The following CDK19 variants were observed in gnomAD, a reference collection of about 807,000 sequenced individuals.
CDK19 encodes cyclin-dependent kinase 19.
A neutral mutation model predicts 68.3 loss-of-function variants in CDK19; 20 were observed. The ratio of observed to expected loss-of-function variants is 0.29; its 90% CI spans 0.21 to 0.43. The LOEUF is 0.43. Among genes scored for constraint, CDK19 ranks in the 20% least tolerant of loss-of-function variants. CDK19 has a pLI of 1.00. For synonymous variants in CDK19, 221 were observed against 222.8 expected (o/e 0.99, Z 0.07); for missense variants, 339 against 623.5 (o/e 0.54, Z 4.86).
intron 6 of CDK19, among the ~76,000 whole-genome samples, chr6:110,630,726 G>C (rs1444745028): frequency 1.3e-5 from 2 of 152,118 alleles, no homozygotes; most frequent in East Asian, 3.8e-4. Context: ...CACAGGTAAG[G>C]GTTTTATGTC....
At chr6:110,639,959 T>C (rs1349050443) in intron 4 of CDK19, among the ~76,000 whole-genome samples, 1 of 152,142 alleles carries the variant, frequency 6.6e-6, no homozygotes, top group African/African-American at 2.4e-5. Flanking sequence ...ACACCTGTTA[T>C]CCTAGGACTT....
At chr6:110,626,907 T>C (rs1562133581) in intron 7 of CDK19, 62 bp from the exon 8 acceptor site, 4 of 1,377,542 alleles carry the variant, frequency 2.9e-6, no homozygotes, top group East Asian at 2.5e-5. Flanking sequence ...CTCCTAATTA[T>C]GTTAGTTTAT....
At chr6:110,625,783 AC>A in intron 8 of CDK19, among the ~76,000 whole-genome samples, 1 of 152,186 alleles carries the variant, frequency 6.6e-6, no homozygotes, top group Admixed American at 6.5e-5. Context: ...CAGGCAAAGG[AC>A]CCCACCAAGG....
At chr6:110,637,850 CGGGAGCCTGTAGTCCCAGCTACTT>C (rs893285253) in intron 5 of CDK19, among the ~76,000 whole-genome samples, 13 of 152,108 alleles carry the variant, frequency 8.5e-5, no homozygotes, top group Non-Finnish European at 1.8e-4. Flanking sequence ...GGCGTGGTGG[CGGGAGCCTGTAGTCCCAGCTACTT>C]GGGAGACTGA....
chr6:110,673,825 C>A (rs768692967), intron 2 of CDK19, among the ~76,000 whole-genome samples: 5 of 152,066 alleles, frequency 3.3e-5, no homozygotes. Context: ...GAACTCCTGG[C>A]CTTAAGCAAT....
intron 5 of CDK19, among the ~76,000 whole-genome samples, chr6:110,634,981 T>C (rs1779670991): frequency 6.6e-6 from 1 of 152,040 alleles, no homozygotes. Flanking sequence ...TTTAAAAGAG[T>C]TTCAAACTAC....
intron 2 of CDK19, among the ~76,000 whole-genome samples, chr6:110,702,269 G>A (rs1367671623): frequency 6.6e-6 from 1 of 151,984 alleles, no homozygotes; most frequent in Non-Finnish European, 1.5e-5. Flanking sequence ...AACATAGTGA[G>A]ACCTCATCTC....
At chr6:110,730,102 G>A (rs886782753) in intron 2 of CDK19, among the ~76,000 whole-genome samples, 3 of 152,112 alleles carry the variant, frequency 2.0e-5, no homozygotes, top group African/African-American at 7.2e-5. Context: ...GCCTTCATTG[G>A]AGTACTAACA....
intron 9 of CDK19, among the ~76,000 whole-genome samples, 188 bp downstream of exon 9, chr6:110,623,102 C>T (rs1242729599): frequency 2.0e-5 from 3 of 152,162 alleles, no homozygotes; most frequent in Admixed American, 2.0e-4. Context: ...TTATAAAGTT[C>T]ATTTTCTGCT....
intron 1 of CDK19, among the ~76,000 whole-genome samples, chr6:110,796,478 C>T (rs1248009995): frequency 6.6e-6 from 1 of 151,444 alleles, no homozygotes; most frequent in African/African-American, 2.4e-5. Flanking sequence ...CATGGTGACA[C>T]CCCCATCTCT....
intron 2 of CDK19, among the ~76,000 whole-genome samples, chr6:110,686,994 T>C (rs993776004): frequency 5.3e-5 from 8 of 152,174 alleles, no homozygotes; most frequent in African/African-American, 1.9e-4. Context: ...AGCCCAGGCA[T>C]TCAAGACCAG....
chr6:110,784,077 T>G (rs1424172783), intron 1 of CDK19, among the ~76,000 whole-genome samples: 2 of 147,684 alleles, frequency 1.4e-5, no homozygotes, highest in Admixed American at 1.4e-4. Context: ...GAGAATTGCT[T>G]GAGCTGGGGA....
At chr6:110,693,160 C>T (rs1165225997) in intron 2 of CDK19, among the ~76,000 whole-genome samples, 1 of 152,102 alleles carries the variant, frequency 6.6e-6, no homozygotes, top group Non-Finnish European at 1.5e-5. Context: ...GAGACTCACA[C>T]CGTGAACTTT....
chr6:110,688,781 A>T (rs768012053), intron 2 of CDK19, among the ~76,000 whole-genome samples: 1 of 152,186 alleles, frequency 6.6e-6, no homozygotes, highest in African/African-American at 2.4e-5. Flanking sequence ...TCTACCTCAC[A>T]GGGGACCTCG....
chr6:110,678,954 G>A (rs1771764866), intron 2 of CDK19, among the ~76,000 whole-genome samples: 3 of 152,082 alleles, frequency 2.0e-5, no homozygotes, highest in South Asian at 4.1e-4. Context: ...ATCTGTACAC[G>A]TACCTGTTTT....
chr6:110,640,731 G>A (rs1030519358), intron 4 of CDK19, among the ~76,000 whole-genome samples: 8 of 152,082 alleles, frequency 5.3e-5, no homozygotes, highest in African/African-American at 9.7e-5. Flanking sequence ...CAGGAGGATC[G>A]TTTAAGCCCA....
At chr6:110,739,212 C>G (rs1777470290) in intron 2 of CDK19, among the ~76,000 whole-genome samples, 1 of 152,146 alleles carries the variant, frequency 6.6e-6, no homozygotes, top group African/African-American at 2.4e-5. Flanking sequence ...GGACATGAGG[C>G]CTCTGGGAGG....
intron 2 of CDK19, among the ~76,000 whole-genome samples, chr6:110,678,718 A>G (rs1298939049): frequency 6.6e-6 from 1 of 152,228 alleles, no homozygotes; most frequent in East Asian, 1.9e-4. Context: ...AATTCAATAG[A>G]AAAAAATGCA....
chr6:110,621,400 T>G lies in CDK19; in HGVS notation c.1111-30A>C. On this transcript the variant is annotated intron_variant, in intron 11 of 12. Coordinates refer to ENST00000368911, the MANE Select transcript of CDK19 (RefSeq NM_015076.5). The surrounding 1 kb of genome is among the most constrained non-coding windows in gnomAD (Gnocchi z 5.4). ...TAAGGGGAAAAAAGCAAGCTTGGTA[T>G]GAAACCAAATTAACAGGAGCTTTCT... 6.6e-7 allele frequency: 1 copy of G among 1,518,914 alleles called. No individual in the cohort carries two copies. The highest frequency in any genetic ancestry group is 8.8e-7 in the Non-Finnish European group (1 of 1,135,778). The allele number at this position is 1,518,914 out of a possible 1,614,324, so 94.1% of individuals were successfully genotyped here.
Sources: allele counts gnomAD v4.1 joint callset (sites outside exome capture counted in the v4.1 genomes callset), GRCh38; gene constraint gnomAD v4.1.1; non-coding constraint Gnocchi (gnomAD v3.1); transcripts MANE v1.5; gene names NCBI Gene and HGNC (gene_info 2026-07-23, HGNC 2026-07-21).